TMEM192: variants seen among roughly 807,000 people sequenced by gnomAD.
TMEM192 encodes the protein transmembrane protein 192.
In TMEM192, 20 loss-of-function variants were observed where a neutral mutation model predicts 26.7. The ratio of observed to expected loss-of-function variants is 0.75; its 90% CI spans 0.53 to 1.09. TMEM192 has a LOEUF of 1.09. Among genes scored for constraint, TMEM192 ranks in the 50% least tolerant of loss-of-function variants. The pLI is 0.00. For missense variants in TMEM192, 304 were observed against 322.6 expected (o/e 0.94, Z 0.44); for synonymous variants, 124 against 121.0 (o/e 1.02, Z -0.16).
In TMEM192 at chr4:165,072,879, C is replaced by T. The variant is rs1298314766; in HGVS notation, c.*6779G>A. The stretch of plus-strand genomic sequence containing the variant: ...AAGTCTGGAGTTCAGGGAGGAAGGC[C>T]TGGCTGAAGATTCACATTTGGAAAT... On this transcript the variant is annotated 3_prime_UTR_variant, in exon 6 of 6. Coordinates refer to ENST00000306480, the MANE Select transcript of TMEM192 (RefSeq NM_001100389.2). 1 of 151,782 alleles carries T rather than the reference C, an allele frequency of 6.6e-6. No individual in the cohort carries two copies. Among genetic ancestry groups the T allele is most frequent in the Non-Finnish European group, 1.5e-5 (1 of 68,068 alleles). 9.4% of individuals were successfully genotyped at this position (151,782 alleles called of 1,614,324 possible).
In TMEM192 at chr4:165,076,184, A is replaced by G. The variant is rs1734377258; in HGVS notation, c.*3474T>C. On this transcript the variant is annotated 3_prime_UTR_variant, in exon 6 of 6. Transcript: ENST00000306480. ...TCATGATACTGTTGTCATTTGGAATACATATACATACATATATACCTATAT... is the reference window on the plus strand; with the variant it reads ...TCATGATACTGTTGTCATTTGGAATGCATATACATACATATATACCTATAT... The G allele has an allele frequency of 6.6e-6, 1 of 152,230 alleles. No homozygotes were observed. The highest frequency in any genetic ancestry group is 1.5e-5 in the Non-Finnish European group (1 of 68,034). 9.4% of individuals were successfully genotyped at this position (152,230 alleles called of 1,614,324 possible).
At position 165,092,112 on chromosome 4, in the gene TMEM192, C is replaced by CTTTTTTTTT. The variant is rs35641833; in HGVS notation, c.440-3519_440-3511dup. Among the ~76,000 whole-genome samples the CTTTTTTTTT allele has an allele frequency of 1.0e-3, 75 of 72,072 alleles. 13 individuals are homozygous for CTTTTTTTTT. The highest frequency in any genetic ancestry group is 3.9e-3 in the African/African-American group (58 of 14,854). 47.3% of individuals were successfully genotyped at this position (72,072 alleles called of 152,430 possible). A position where few individuals can be genotyped will look rare whatever the true frequency, so the allele number is the denominator to read the frequency against. On this transcript the variant is annotated intron_variant, in intron 3 of 5. Coordinates refer to ENST00000306480, the MANE Select transcript of TMEM192 (RefSeq NM_001100389.2). ...AATGCTGTTCTTTCTTAATGCTGTT[C>CTTTTTTTTT]TTTTTTTTTTTTTTTTTTTTTTTTT...
chr4:165,094,792 C>T (rs932083249), intron 3 of TMEM192, among the ~76,000 whole-genome samples: 5 of 151,758 alleles, frequency 3.3e-5, no homozygotes, highest in African/African-American at 9.7e-5. Flanking sequence ...CTGACCAACA[C>T]GGTGAAACCC....
intron 2 of TMEM192, among the ~76,000 whole-genome samples, chr4:165,101,634 C>CA (rs1735040947): frequency 6.6e-6 from 1 of 152,138 alleles, no homozygotes; most frequent in African/African-American, 2.4e-5. Flanking sequence ...AAGAGGTCAC[C>CA]ATCTGGAAAC....
chr4:165,100,971 CTTTTTTTTTTTTT>C, intron 2 of TMEM192, 79 bp from the exon 3 acceptor site: 2 of 772,972 alleles, frequency 2.6e-6, no homozygotes, highest in South Asian at 4.3e-5. Flanking sequence ...AGCATACATT[CTTTTTTTTTTTTT>C]TTTTTTTTCT....
At chr4:165,085,389 T>C (rs1734588416) in intron 5 of TMEM192, among the ~76,000 whole-genome samples, 197 bp downstream of exon 5, 1 of 152,182 alleles carries the variant, frequency 6.6e-6, no homozygotes. Flanking sequence ...GTGGTTAATT[T>C]TTTGCATCAA....
chr4:165,079,580 C>T lies in TMEM192; in HGVS notation c.*78G>A, dbSNP rs1024134530. The T allele has an allele frequency of 7.5e-6, 11 of 1,469,150 alleles. No homozygotes were observed. The highest frequency in any genetic ancestry group is 4.3e-5 in the African/African-American group (3 of 70,138). The allele number at this position is 1,469,150 out of a possible 1,614,324, so 91.0% of individuals were successfully genotyped here. ...CTATTCAGCAAAAGCTGCAGTTCCC[C>T]GTGGCAGCTTGTCAGGTGGTCAGTC... On this transcript the variant is annotated 3_prime_UTR_variant, in exon 6 of 6. Coordinates refer to ENST00000306480, the MANE Select transcript of TMEM192 (RefSeq NM_001100389.2).
rs147539947 is a variant in TMEM192 at position 165,105,134 on chromosome 4, T to A, written c.28-2038A>T. Among the ~76,000 whole-genome samples the A allele has an allele frequency of 4.8e-3, 737 of 152,302 alleles. 12 individuals carry two copies. Among genetic ancestry groups the A allele is most frequent in the African/African-American group, 0.017 (706 of 41,572 alleles). ...ATCAAACTATCCTGTGATGGTCTCT[T>A]ACTTATCTCTTCTCCACTAGACGTC... On this transcript the variant is annotated intron_variant, in intron 1 of 5. Coordinates refer to ENST00000306480, the MANE Select transcript of TMEM192 (RefSeq NM_001100389.2).
chr4:165,097,569 C>CTT lies in TMEM192; in HGVS notation c.439+3057_439+3058dup, dbSNP rs574785092. Among the ~76,000 whole-genome samples, 135 of 107,980 alleles carry CTT rather than the reference C, an allele frequency of 1.3e-3. 1 individual carries two copies. Among genetic ancestry groups the CTT allele is most frequent in the African/African-American group, 4.9e-3 (126 of 25,972 alleles). The allele number at this position is 107,980 out of a possible 152,430, so 70.8% of individuals were successfully genotyped here. ...AAATAAAAGTTAAATTCTGTGGAGC[C>CTT]TTTTTTTTTTTTTTTTGGAGAAAAA... On this transcript the variant is annotated intron_variant, in intron 3 of 5. Coordinates refer to ENST00000306480, the MANE Select transcript of TMEM192 (RefSeq NM_001100389.2).
chr4:165,087,687 C>T (rs1734654634), intron 4 of TMEM192, among the ~76,000 whole-genome samples: 1 of 152,032 alleles, frequency 6.6e-6, no homozygotes, highest in South Asian at 2.1e-4. Context: ...TGCCTGTAAT[C>T]CCAGCACTTT....
At chr4:165,106,214 T>C (rs1304212243) in intron 1 of TMEM192, among the ~76,000 whole-genome samples, 1 of 152,220 alleles carries the variant, frequency 6.6e-6, no homozygotes, top group African/African-American at 2.4e-5. Flanking sequence ...TGCTGGGGCA[T>C]GATAAAAAGA....
chr4:165,094,238 T>A (rs891865587), intron 3 of TMEM192, among the ~76,000 whole-genome samples: 1 of 152,018 alleles, frequency 6.6e-6, no homozygotes, highest in African/African-American at 2.4e-5. Flanking sequence ...GTTTTCACCA[T>A]GTTGGCCAAG....
chr4:165,070,787 A>C lies in TMEM192; in HGVS notation c.*8871T>G, dbSNP rs1458653198. On this transcript the variant is annotated 3_prime_UTR_variant, in exon 6 of 6. Coordinates refer to ENST00000306480, the MANE Select transcript of TMEM192 (RefSeq NM_001100389.2). ...GAACAGGCTTTGAGCATGTGTGAGC[A>C]TAGTTTTTCTACTACAATTCCAGTA... is the stretch of plus-strand genomic sequence containing the variant. 1 of 152,224 alleles carries C rather than the reference A, an allele frequency of 6.6e-6. No homozygotes were observed. The highest frequency in any genetic ancestry group is 6.6e-5 in the Admixed American group (1 of 15,266). The allele number at this position is 152,224 out of a possible 1,614,324, so 9.4% of individuals were successfully genotyped here.
At chr4:165,102,169 A>C (rs553398329) in intron 2 of TMEM192, among the ~76,000 whole-genome samples, 1 of 152,338 alleles carries the variant, frequency 6.6e-6, no homozygotes, top group South Asian at 2.1e-4. Flanking sequence ...TCATCATACA[A>C]AAATTGTACA....
At chr4:165,093,356 A>C (rs1383911639) in intron 3 of TMEM192, among the ~76,000 whole-genome samples, 1 of 151,964 alleles carries the variant, frequency 6.6e-6, no homozygotes, top group Non-Finnish European at 1.5e-5. Flanking sequence ...CGGCCTCCCA[A>C]AGTGCTGGGA....
At chr4:165,088,030 C>T (rs952645310) in intron 4 of TMEM192, among the ~76,000 whole-genome samples, 5 of 152,078 alleles carry the variant, frequency 3.3e-5, no homozygotes, top group Non-Finnish European at 7.3e-5. Context: ...CCACGTCAGC[C>T]TCCTGAGGGG....
intron 5 of TMEM192, among the ~76,000 whole-genome samples, chr4:165,084,365 G>C (rs933109006): frequency 6.7e-6 from 1 of 150,176 alleles, no homozygotes; most frequent in Non-Finnish European, 1.5e-5. Context: ...TGCCTGGCTA[G>C]TTTTTGTATT....
At chr4:165,101,445 C>T (rs1156367211) in intron 2 of TMEM192, among the ~76,000 whole-genome samples, 1 of 152,134 alleles carries the variant, frequency 6.6e-6, no homozygotes, top group African/African-American at 2.4e-5. Flanking sequence ...CTGCTCACTG[C>T]AGCCTCAACC....
rs372584225 is a variant in TMEM192 at position 165,091,179 on chromosome 4, A to G, written c.440-2577T>C. Among the ~76,000 whole-genome samples the G allele has an allele frequency of 1.5e-4, 23 of 152,116 alleles. No homozygotes were observed. In the East Asian group the frequency reaches 4.1e-3, roughly 27 times the overall value. ...CTACTCAGGAGGCTGAGGCAGGAGA[A>G]TGGCCTGAAACCCGGGAGGCGGAGC... On this transcript the variant is annotated intron_variant, in intron 3 of 5. Transcript: ENST00000306480.
Sources: gnomAD v4.1 joint callset for allele counts (sites outside exome capture counted in the v4.1 genomes callset) on GRCh38, gnomAD v4.1.1 for gene constraint, MANE v1.5 for transcripts, NCBI Gene and HGNC (gene_info 2026-07-23, HGNC 2026-07-21) for gene names.